SLC25A13: variants seen among roughly 807,000 people sequenced by gnomAD.
SLC25A13 encodes electrogenic aspartate/glutamate antiporter SLC25A13, mitochondrial.
SLC25A13 carries 70 observed loss-of-function variants against 85.5 expected under a neutral mutation model. The observed-to-expected ratio is 0.82, with a 90% confidence interval of 0.68 to 1.00. The LOEUF (loss-of-function observed/expected upper bound fraction) is 1.00. Among genes scored for constraint, SLC25A13 ranks in the 50% least tolerant of loss-of-function variants. SLC25A13 has a pLI of 0.00. For synonymous variants in SLC25A13, 259 were observed against 288.7 expected (o/e 0.90, Z 1.04); for missense variants, 765 against 819.8 (o/e 0.93, Z 0.82).
chr7:96,202,259 G>C (rs1391822859), intron 5 of SLC25A13, among the ~76,000 whole-genome samples: 5 of 152,136 alleles, frequency 3.3e-5, no homozygotes, highest in Non-Finnish European at 7.4e-5. Context: ...ACACAGCTTT[G>C]ATCCCCAGGT....
At chr7:96,269,058 G>A (rs907211784) in intron 3 of SLC25A13, among the ~76,000 whole-genome samples, 5 of 152,148 alleles carry the variant, frequency 3.3e-5, no homozygotes, top group Non-Finnish European at 7.3e-5. Flanking sequence ...GCTCCCTGAT[G>A]AATACCTGTC....
At chr7:96,155,505 T>C (rs1793227299) in intron 13 of SLC25A13, among the ~76,000 whole-genome samples, 2 of 152,100 alleles carry the variant, frequency 1.3e-5, no homozygotes, top group African/African-American at 4.8e-5. Context: ...CACAGTGATC[T>C]CTGCACTGAT....
intron 13 of SLC25A13, among the ~76,000 whole-genome samples, chr7:96,153,688 G>A (rs1793137029): frequency 6.6e-6 from 1 of 152,186 alleles, no homozygotes; most frequent in Admixed American, 6.5e-5. Context: ...CAGGAACTGA[G>A]GAACATTTTA....
At chr7:96,222,921 A>G (rs2116768492) in intron 4 of SLC25A13, among the ~76,000 whole-genome samples, 1 of 152,338 alleles carries the variant, frequency 6.6e-6, no homozygotes, top group East Asian at 1.9e-4. Context: ...GAAGTCATAC[A>G]TAAACTATTC....
chr7:96,126,232 C>T (rs1020931834), intron 15 of SLC25A13, among the ~76,000 whole-genome samples: 15 of 152,070 alleles, frequency 9.9e-5, no homozygotes, highest in African/African-American at 2.2e-4. Flanking sequence ...GTGGACCCTC[C>T]GAACTGCTGA....
In SLC25A13 at chr7:96,219,666, C is replaced by T. The variant is rs760258883; in HGVS notation, c.329-10689G>A. On this transcript the variant is annotated intron_variant, in intron 4 of 17. Coordinates refer to ENST00000265631, the MANE Select transcript of SLC25A13 (RefSeq NM_014251.3). The stretch of plus-strand genomic sequence containing the variant: ...AGCCCCACACCCAAAAATTATGAAT[C>T]AGTAGATTTGAGACAGAGCCAGGGA... The T allele has an allele frequency of 1.5e-5, 8 of 534,198 alleles. No homozygotes were observed. In the African/African-American group the frequency reaches 1.5e-4, roughly 10 times the overall value. The allele number at this position is 534,198 out of a possible 1,614,324, so 33.1% of individuals were successfully genotyped here.
intron 3 of SLC25A13, among the ~76,000 whole-genome samples, chr7:96,238,779 G>C (rs1796841049): frequency 6.6e-6 from 1 of 151,952 alleles, no homozygotes; most frequent in South Asian, 2.1e-4. Context: ...AGGGGAACTT[G>C]CTGGCAGTTT....
intron 9 of SLC25A13, among the ~76,000 whole-genome samples, chr7:96,188,287 G>A (rs1402084941): frequency 6.6e-6 from 1 of 152,160 alleles, no homozygotes; most frequent in African/African-American, 2.4e-5. Flanking sequence ...TTTTCCAGAG[G>A]TGCTCGTTAG....
chr7:96,177,266 G>A (rs6959358), intron 11 of SLC25A13, among the ~76,000 whole-genome samples: 78,005 of 152,060 alleles, frequency 0.51, 21,138 homozygotes, highest in African/African-American at 0.69. Context: ...ATGTGGTCTG[G>A]AAGTGTCCAG....
chr7:96,279,565 T>A (rs1236966053), intron 2 of SLC25A13, among the ~76,000 whole-genome samples: 1 of 152,138 alleles, frequency 6.6e-6, no homozygotes. Flanking sequence ...TATTCACTAC[T>A]ACGAGAACAG....
intron 2 of SLC25A13, among the ~76,000 whole-genome samples, chr7:96,288,569 C>T (rs1269802378): frequency 1.3e-5 from 2 of 152,190 alleles, no homozygotes; most frequent in African/African-American, 4.8e-5. Flanking sequence ...TCACTCCCAC[C>T]CTAATACTGC....
chr7:96,164,822 T>C (rs55995604), intron 13 of SLC25A13, among the ~76,000 whole-genome samples: 1,722 of 152,168 alleles, frequency 0.011, 34 homozygotes, highest in African/African-American at 0.04. Context: ...ACTTTCACTT[T>C]GTAAAATGAT....
chr7:96,151,246 A>G (rs114722728), intron 13 of SLC25A13, among the ~76,000 whole-genome samples: 1,536 of 152,332 alleles, frequency 0.01, 26 homozygotes, highest in African/African-American at 0.035. Flanking sequence ...ATCATCCTCT[A>G]GCATTTATTG....
chr7:96,194,731 C>T (rs1245128951), intron 5 of SLC25A13, among the ~76,000 whole-genome samples: 1 of 152,088 alleles, frequency 6.6e-6, no homozygotes. Flanking sequence ...ACAGTATTTG[C>T]AATAACGGAA....
intron 4 of SLC25A13, among the ~76,000 whole-genome samples, chr7:96,211,630 C>T (rs1795700807): frequency 6.6e-6 from 1 of 152,178 alleles, no homozygotes; most frequent in Non-Finnish European, 1.5e-5. Flanking sequence ...ATGGCTGGCA[C>T]AGTGGTAGGC....
chr7:96,158,174 G>C (rs958790040), intron 13 of SLC25A13, among the ~76,000 whole-genome samples: 1 of 152,100 alleles, frequency 6.6e-6, no homozygotes, highest in African/African-American at 2.4e-5. Context: ...TTTATTAAAT[G>C]AGGTAGTATT....
At chr7:96,208,204 G>A (rs1308186892) in intron 5 of SLC25A13, among the ~76,000 whole-genome samples, 2 of 152,150 alleles carry the variant, frequency 1.3e-5, no homozygotes, top group Admixed American at 1.3e-4. Context: ...ATTTTAAGTT[G>A]TAATTTTGCC....
chr7:96,219,473 C>T (rs769105286), intron 4 of SLC25A13, among the ~76,000 whole-genome samples: 1 of 152,172 alleles, frequency 6.6e-6, no homozygotes, highest in African/African-American at 2.4e-5. Context: ...AGAACCCTAT[C>T]CTTCTAGTGC....
At chr7:96,287,576 T>G (rs1798939341) in intron 2 of SLC25A13, among the ~76,000 whole-genome samples, 1 of 152,142 alleles carries the variant, frequency 6.6e-6, no homozygotes, top group African/African-American at 2.4e-5. Context: ...CTGCTGAAAG[T>G]GGATGTAGCA....
Sources: gnomAD v4.1 joint callset for allele counts (sites outside exome capture counted in the v4.1 genomes callset) on GRCh38, gnomAD v4.1.1 for gene constraint, MANE v1.5 for transcripts, NCBI Gene and HGNC (gene_info 2026-07-23, HGNC 2026-07-21) for gene names.